GABRG3: variants seen among roughly 807,000 people sequenced by gnomAD.
GABRG3 encodes gamma-aminobutyric acid type A receptor subunit gamma3.
Under a neutral mutation model 48.8 loss-of-function variants are expected in GABRG3, and 25 were observed. The observed-to-expected ratio is 0.51, with a 90% CI of 0.37 to 0.72. The LOEUF is 0.72. Among genes scored for constraint, GABRG3 ranks in the 30% least tolerant of loss-of-function variants. The probability of loss-of-function intolerance (pLI) is 0.00; values close to 1 mark genes in which losing one functional copy is unlikely to be tolerated. For synonymous variants in GABRG3, 227 were observed against 217.6 expected, an observed-to-expected ratio of 1.04 and a Z score of -0.38; for missense variants, 394 against 577.9, an observed-to-expected ratio of 0.68 and a Z score of 3.26.
chr15:27,298,798 T>C (rs1332309030), intron 3 of GABRG3, among the ~76,000 whole-genome samples: 2 of 152,066 alleles, frequency 1.3e-5, no homozygotes, highest in Admixed American at 6.6e-5. Context: ...CAACCTGTCA[T>C]CTACATTAGG....
intron 3 of GABRG3, among the ~76,000 whole-genome samples, chr15:27,234,290 A>C (rs1322864364): frequency 6.6e-6 from 1 of 152,180 alleles, no homozygotes; most frequent in African/African-American, 2.4e-5. Flanking sequence ...CCTGGCCAGG[A>C]CCATGATCCA....
chr15:27,460,046 G>A (rs997081567), intron 5 of GABRG3, among the ~76,000 whole-genome samples: 5 of 152,210 alleles, frequency 3.3e-5, no homozygotes, highest in Admixed American at 2.6e-4. Flanking sequence ...GTCATTACTC[G>A]AAGGCCATGT....
intron 3 of GABRG3, among the ~76,000 whole-genome samples, chr15:27,171,596 CCAA>C (rs948984784): frequency 6.6e-5 from 10 of 150,454 alleles, no homozygotes; most frequent in Non-Finnish European, 1.0e-4. Flanking sequence ...AGATGCTATA[CCAA>C]CAATTAGGAA....
intron 3 of GABRG3, among the ~76,000 whole-genome samples, chr15:27,085,543 T>G (rs1897061659): frequency 6.6e-6 from 1 of 152,190 alleles, no homozygotes; most frequent in Admixed American, 6.5e-5. Flanking sequence ...TTTAAAAAAT[T>G]TGAAATATAT....
chr15:27,358,720 T>C (rs1385051908), intron 5 of GABRG3, among the ~76,000 whole-genome samples: 2 of 152,110 alleles, frequency 1.3e-5, no homozygotes, highest in Admixed American at 6.5e-5. Context: ...GCATAAGAAA[T>C]GATGCGTTCC....
intron 3 of GABRG3, among the ~76,000 whole-genome samples, chr15:27,164,820 A>T (rs1166693179): frequency 6.6e-6 from 1 of 152,210 alleles, no homozygotes; most frequent in Non-Finnish European, 1.5e-5. Context: ...TTGAAAGGGG[A>T]TCTTCTCATC....
chr15:27,351,273 G>T (rs916207382), intron 5 of GABRG3, among the ~76,000 whole-genome samples: 3 of 149,068 alleles, frequency 2.0e-5, no homozygotes, highest in Admixed American at 6.7e-5. Flanking sequence ...GTGTGTGTTT[G>T]TGTGTATATG....
chr15:27,060,201 A>G (rs1896621596), intron 3 of GABRG3, among the ~76,000 whole-genome samples: 1 of 152,248 alleles, frequency 6.6e-6, no homozygotes, highest in South Asian at 2.1e-4. Context: ...ATTGTCTAAG[A>G]CCATTATGCA....
At chr15:27,300,999 A>G (rs2140492919) in intron 3 of GABRG3, among the ~76,000 whole-genome samples, 1 of 152,238 alleles carries the variant, frequency 6.6e-6, no homozygotes, top group Middle Eastern at 3.4e-3. Flanking sequence ...AACTTGTAGG[A>G]TAACATCAGT....
chr15:27,501,241 G>A (rs187110656), intron 6 of GABRG3, among the ~76,000 whole-genome samples: 46 of 152,262 alleles, frequency 3.0e-4, no homozygotes, highest in African/African-American at 7.2e-4. Context: ...GTGAGCCACC[G>A]TGCCCGGCCA....
intron 5 of GABRG3, among the ~76,000 whole-genome samples, chr15:27,398,174 C>T (rs1887372297): frequency 6.6e-6 from 1 of 152,120 alleles, no homozygotes; most frequent in Non-Finnish European, 1.5e-5. Context: ...GTCTATATCA[C>T]ATATATGTCA....
chr15:26,986,242 TAGG>T (rs946454218), intron 2 of GABRG3, among the ~76,000 whole-genome samples: 2 of 152,164 alleles, frequency 1.3e-5, no homozygotes, highest in African/African-American at 4.8e-5. Context: ...GGAACAGATG[TAGG>T]AGGAGAGGAA....
At chr15:27,076,693 G>T (rs1456999805) in intron 3 of GABRG3, among the ~76,000 whole-genome samples, 1 of 152,072 alleles carries the variant, frequency 6.6e-6, no homozygotes, top group African/African-American at 2.4e-5. Context: ...GTTCTTAGGA[G>T]GGAGGCAGAG....
chr15:27,014,035 AAAC>A (rs554455488), intron 2 of GABRG3, among the ~76,000 whole-genome samples: 36 of 152,248 alleles, frequency 2.4e-4, no homozygotes, highest in African/African-American at 6.5e-4. Flanking sequence ...TAATTTCTAC[AAAC>A]AATGTTTTGT....
intron 5 of GABRG3, among the ~76,000 whole-genome samples, chr15:27,398,666 G>GCACACACACACACACA (rs111910385): frequency 3.4e-5 from 5 of 147,306 alleles, no homozygotes; most frequent in African/African-American, 1.2e-4. Flanking sequence ...ACAAGCGCGC[G>GCACACACACACACACA]CACACACACA....
chr15:27,338,295 C>A (rs1380347135), intron 5 of GABRG3, among the ~76,000 whole-genome samples: 2 of 152,108 alleles, frequency 1.3e-5, no homozygotes, highest in Non-Finnish European at 2.9e-5. Context: ...TGCTGTTAAC[C>A]AGGAACGTGC....
intron 3 of GABRG3, among the ~76,000 whole-genome samples, chr15:27,232,317 A>G (rs1247846018): frequency 2.6e-5 from 4 of 152,216 alleles, no homozygotes; most frequent in Admixed American, 2.0e-4. Context: ...AACATGACTC[A>G]TATTGAATTC....
intron 3 of GABRG3, among the ~76,000 whole-genome samples, chr15:27,129,690 C>T (rs1897882452): frequency 6.6e-6 from 1 of 151,440 alleles, no homozygotes; most frequent in South Asian, 2.1e-4. Context: ...ACATCCTCGC[C>T]AACACTTGTT....
At position 27,540,118 on chromosome 15, in the gene GABRG3, T is replaced by C. The variant is rs1466881109; in HGVS notation, c.*7237T>C. 6.6e-6 allele frequency: 1 copy of C among 152,212 alleles called. No individual in the cohort carries two copies. Among genetic ancestry groups the C allele is most frequent in the African/African-American group, 2.4e-5 (1 of 41,448 alleles). The allele number at this position is 152,212 out of a possible 1,614,324, so 9.4% of individuals were successfully genotyped here. Reference sequence around the variant, plus strand: ...TTCATTAGAGTTTAAACATTAAGTATACAGATCCTACTCCAAAATTTTGCT... The same window carrying C: ...TTCATTAGAGTTTAAACATTAAGTACACAGATCCTACTCCAAAATTTTGCT... On this transcript the variant is annotated 3_prime_UTR_variant, in exon 10 of 10. Transcript: ENST00000615808.
Sources: allele counts gnomAD v4.1 joint callset (sites outside exome capture counted in the v4.1 genomes callset), GRCh38; gene constraint gnomAD v4.1.1; transcripts MANE v1.5; gene names NCBI Gene and HGNC (gene_info 2026-07-23, HGNC 2026-07-21).